PC: variants seen among roughly 807,000 people sequenced by gnomAD.
PC encodes pyruvate carboxylase.
Under a neutral mutation model 107.8 loss-of-function variants are expected in PC, and 46 were observed. The observed-to-expected ratio is 0.43, with a 90% CI of 0.34 to 0.55. The LOEUF is 0.55. Among genes scored for constraint, PC ranks in the 20% least tolerant of loss-of-function variants. The probability of loss-of-function intolerance (pLI) is 0.04; values close to 1 mark genes in which losing one functional copy is unlikely to be tolerated. For synonymous variants in PC, 662 were observed against 684.7 expected, an observed-to-expected ratio of 0.97 and a Z score of 0.52; for missense variants, 1,241 against 1,643.1, an observed-to-expected ratio of 0.76 and a Z score of 4.23.
rs751541124 is a variant in PC at position 66,849,326 on chromosome 11, G to A, written c.3192C>T (p.Ala1064=). ...GGCCGGCCCGGTTCAGGTCGCTCACGGCCAGGGCTTTGATGTGCAGCGTCT... is the reference window on the plus strand; with the variant it reads ...GGCCGGCCCGGTTCAGGTCGCTCACAGCCAGGGCTTTGATGTGCAGCGTCT... The part of the protein sequence containing the change: ...RGKTLHIKAL[A]VSDLNRAGQR... The change falls in exon 22 of 23, where the codon GCC becomes GCT. Residue 1064 remains alanine, a synonymous_variant. Transcript: ENST00000393960. 124 of 1,613,398 alleles carry A rather than the reference G, an allele frequency of 7.7e-5. No homozygotes were observed. The highest frequency in any genetic ancestry group is 9.7e-5 in the Non-Finnish European group (115 of 1,180,040).
chr11:66,950,643 A>T (rs1949414148), intron 3 of PC, among the ~76,000 whole-genome samples: 1 of 152,216 alleles, frequency 6.6e-6, no homozygotes, highest in Non-Finnish European at 1.5e-5. Flanking sequence ...AAGCTTTGAC[A>T]AATTACATAA....
At chr11:66,950,084 A>G (rs1413203941) in intron 3 of PC, among the ~76,000 whole-genome samples, 1 of 152,164 alleles carries the variant, frequency 6.6e-6, no homozygotes, top group Admixed American at 6.5e-5. Flanking sequence ...ACATTGATAC[A>G]CAGCATGTAC....
intron 3 of PC, among the ~76,000 whole-genome samples, chr11:66,930,210 C>T (rs1948814325): frequency 6.6e-6 from 1 of 152,038 alleles, no homozygotes; most frequent in Non-Finnish European, 1.5e-5. Context: ...CAAAAAACTC[C>T]CCCCAAGAAG....
chr11:66,894,793 G>A (rs1285680653), intron 3 of PC, among the ~76,000 whole-genome samples: 5 of 152,290 alleles, frequency 3.3e-5, no homozygotes, highest in Admixed American at 1.3e-4. Flanking sequence ...AGGCCAAGGC[G>A]GGTGGATCAC....
intron 3 of PC, among the ~76,000 whole-genome samples, chr11:66,906,126 C>A (rs964830169): frequency 6.6e-6 from 1 of 152,036 alleles, no homozygotes; most frequent in Non-Finnish European, 1.5e-5. Context: ...AGACAATGAC[C>A]CAGTGAGAAG....
intron 3 of PC, among the ~76,000 whole-genome samples, chr11:66,933,497 A>G (rs1397120936): frequency 6.6e-6 from 1 of 151,832 alleles, no homozygotes; most frequent in Non-Finnish European, 1.5e-5. Context: ...TTTCTTTTCT[A>G]TTTGTCTCTC....
chr11:66,923,992 C>T (rs907721321), intron 3 of PC, among the ~76,000 whole-genome samples: 7 of 151,082 alleles, frequency 4.6e-5, no homozygotes, highest in African/African-American at 1.7e-4. Flanking sequence ...CACATGAGGC[C>T]AAGAGTTCAA....
chr11:66,889,616 C>T (rs534335596), intron 3 of PC, among the ~76,000 whole-genome samples: 5 of 152,156 alleles, frequency 3.3e-5, no homozygotes, highest in Admixed American at 6.5e-5. Context: ...TCAAGTGATC[C>T]GCCTGCCTTG....
intron 3 of PC, among the ~76,000 whole-genome samples, chr11:66,932,294 T>G (rs2136113360): frequency 6.6e-6 from 1 of 152,172 alleles, no homozygotes; most frequent in East Asian, 1.9e-4. Flanking sequence ...GACTATTAGG[T>G]TCAACAGTAG....
intron 3 of PC, among the ~76,000 whole-genome samples, chr11:66,950,086 A>G (rs1949401810): frequency 6.6e-6 from 1 of 152,236 alleles, no homozygotes; most frequent in African/African-American, 2.4e-5. Context: ...ATTGATACAC[A>G]GCATGTACAT....
At chr11:66,928,378 T>TC (rs1565292629) in intron 3 of PC, among the ~76,000 whole-genome samples, 1 of 106,442 alleles carries the variant, frequency 9.4e-6, no homozygotes, top group Non-Finnish European at 1.8e-5. Context: ...AGAGTGAGAC[T>TC]CCATCTCAAA....
In PC at chr11:66,872,019, C is replaced by G; in HGVS notation, c.136+5G>C. 6.4e-7 allele frequency: 1 copy of G among 1,558,932 alleles called. No homozygotes were observed. The stretch of plus-strand genomic sequence containing the variant: ...GCTCCTCTCACCGGCCCCACTGGTG[C>G]TCACCTCTGTTGGCCACCATGACTT... On this transcript the variant is annotated splice_donor_5th_base_variant and intron_variant, in intron 4 of 22. Coordinates refer to ENST00000393960, the MANE Select transcript of PC (RefSeq NM_001040716.2).
intron 3 of PC, among the ~76,000 whole-genome samples, chr11:66,895,389 C>T (rs1947719464): frequency 6.6e-6 from 1 of 152,106 alleles, no homozygotes; most frequent in South Asian, 2.1e-4. Flanking sequence ...GAGTGGGCAA[C>T]CAAAGGTCCC....
At chr11:66,921,567 G>T (rs2136092166) in intron 3 of PC, among the ~76,000 whole-genome samples, 1 of 152,196 alleles carries the variant, frequency 6.6e-6, no homozygotes, top group East Asian at 1.9e-4. Flanking sequence ...TCTGGGGGTG[G>T]TGGCTTTGTT....
At position 66,892,268 on chromosome 11, in the gene PC, G is replaced by A. The variant is rs1436063352; in HGVS notation, c.1-20109C>T. Among the ~76,000 whole-genome samples, 3 of 152,216 alleles carry A rather than the reference G, an allele frequency of 2.0e-5. No homozygotes were observed. In the East Asian group the frequency reaches 5.8e-4, roughly 29 times the overall value. On this transcript the variant is annotated intron_variant, in intron 3 of 22. Coordinates refer to ENST00000393960, the MANE Select transcript of PC (RefSeq NM_001040716.2). ...CAGAGTGCCTAAGAGTTCTGGGACA[G>A]TCTCAGTTGTAAAACAGCCAGTGCT...
intron 3 of PC, among the ~76,000 whole-genome samples, chr11:66,887,962 C>G (rs1035782207): frequency 6.6e-6 from 1 of 152,234 alleles, no homozygotes; most frequent in East Asian, 1.9e-4. Context: ...CTCCTTTGCT[C>G]GTGGCCACAT....
intron 3 of PC, among the ~76,000 whole-genome samples, chr11:66,933,790 TC>T (rs1446038785): frequency 6.6e-6 from 1 of 151,936 alleles, no homozygotes; most frequent in Non-Finnish European, 1.5e-5. Flanking sequence ...CTCTCCCCAT[TC>T]CCAGGCAGCC....
chr11:66,876,412 T>G (rs1946979361), intron 3 of PC, among the ~76,000 whole-genome samples: 2 of 152,222 alleles, frequency 1.3e-5, no homozygotes, highest in African/African-American at 4.8e-5. Flanking sequence ...TGTCTTACTC[T>G]TGCAACTTTA....
Position 66,848,618 on chromosome 11 carries a change from C to T in PC, c.*281G>A, listed in dbSNP as rs1945288114. On this transcript the variant is annotated 3_prime_UTR_variant, in exon 23 of 23. Coordinates refer to ENST00000393960, the MANE Select transcript of PC (RefSeq NM_001040716.2). ...CCAGGAGATAGGACCCCTAAACCTC[C>T]CCTGGGTCCTAGGACCACCTGACCC... The T allele has an allele frequency of 6.6e-6, 4 of 603,136 alleles. No homozygotes were observed. Among genetic ancestry groups the T allele is most frequent in the South Asian group, 3.9e-5 (2 of 51,312 alleles). 37.4% of individuals were successfully genotyped at this position (603,136 alleles called of 1,614,324 possible).
Sources: allele counts gnomAD v4.1 joint callset (sites outside exome capture counted in the v4.1 genomes callset), GRCh38; gene constraint gnomAD v4.1.1; transcripts MANE v1.5; gene names NCBI Gene and HGNC (gene_info 2026-07-23, HGNC 2026-07-21).